Variants in CNTN5 observed in about 807,000 individuals in gnomAD.
CNTN5 encodes contactin 5, also known as contactin-5.
A neutral mutation model predicts 129.1 loss-of-function variants in CNTN5; 77 were observed. The ratio of observed to expected loss-of-function variants is 0.60; its 90% CI spans 0.50 to 0.72. The LOEUF (loss-of-function observed/expected upper bound fraction) is 0.72. CNTN5 is among the 30% of genes least tolerant of loss of function. The probability of loss-of-function intolerance (pLI) is 0.00; values close to 1 mark genes in which losing one functional copy is unlikely to be tolerated. For missense variants in CNTN5, 1,478 were observed against 1,328.8 expected, an observed-to-expected ratio of 1.11 and a Z score of -1.75; for synonymous variants, 509 against 465.6, an observed-to-expected ratio of 1.09 and a Z score of -1.20.
chr11:99,556,519 G>T (rs1293725378), intron 3 of CNTN5, among the ~76,000 whole-genome samples: 1 of 127,962 alleles, frequency 7.8e-6, no homozygotes, highest in Non-Finnish European at 1.6e-5. Context: ...ACATTCATTT[G>T]CAATCTAAAC....
intron 2 of CNTN5, among the ~76,000 whole-genome samples, chr11:99,410,329 G>A (rs569420725): frequency 6.6e-5 from 10 of 152,184 alleles, no homozygotes; most frequent in South Asian, 2.1e-4. Context: ...GAACTGACAC[G>A]GTTAAGGAAA....
chr11:100,036,399 C>A lies in CNTN5; in HGVS notation c.981-24813C>A, dbSNP rs535740324. Among the ~76,000 whole-genome samples the A allele has an allele frequency of 4.6e-5, 7 of 151,726 alleles. No homozygotes were observed. In the South Asian group the frequency reaches 8.3e-4, roughly 18 times the overall value. On this transcript the variant is annotated intron_variant, in intron 9 of 24. Transcript: ENST00000524871. ...TGTAGTATATTTTGAAGTCAGGTAG[C>A]GTGATGCCTCCAGCTTTGTTCTTTT...
At chr11:100,014,545 C>T (rs1233082675) in intron 9 of CNTN5, among the ~76,000 whole-genome samples, 1 of 151,938 alleles carries the variant, frequency 6.6e-6, no homozygotes, top group East Asian at 1.9e-4. Context: ...TGCGCCACTG[C>T]ACTCCAGCCT....
At position 99,583,263 on chromosome 11, in the gene CNTN5, T is replaced by G. The variant is rs2726358; in HGVS notation, c.55+26994T>G. Among the ~76,000 whole-genome samples the G allele has an allele frequency of 3.2e-3, 485 of 152,298 alleles. 1 individual carries two copies. The highest frequency in any genetic ancestry group is 0.011 in the African/African-American group (472 of 41,534). On this transcript the variant is annotated intron_variant, in intron 3 of 24. Coordinates refer to ENST00000524871, the MANE Select transcript of CNTN5 (RefSeq NM_014361.4). ...GGGGGTGCCTCCCAGTTAGGCTACT[T>G]GGGGGTCAGGGACCCACTTGAGGAG...
chr11:99,896,856 C>A (rs1949220694), intron 6 of CNTN5, among the ~76,000 whole-genome samples: 1 of 152,092 alleles, frequency 6.6e-6, no homozygotes, highest in Admixed American at 6.5e-5. Flanking sequence ...TCACAGCTGC[C>A]CTGCCCCAGC....
intron 3 of CNTN5, among the ~76,000 whole-genome samples, chr11:99,726,090 C>T (rs1349454858): frequency 6.6e-6 from 1 of 152,204 alleles, no homozygotes; most frequent in African/African-American, 2.4e-5. Context: ...ATAATTCCCT[C>T]TTGGATATGA....
intron 3 of CNTN5, among the ~76,000 whole-genome samples, chr11:99,585,141 A>G (rs1287502125): frequency 1.3e-5 from 2 of 152,248 alleles, no homozygotes; most frequent in Admixed American, 6.5e-5. Flanking sequence ...GATCTAATCT[A>G]TAAGACAGAT....
chr11:100,039,575 G>T (rs1380635087), intron 9 of CNTN5, among the ~76,000 whole-genome samples: 1 of 152,132 alleles, frequency 6.6e-6, no homozygotes, highest in African/African-American at 2.4e-5. Flanking sequence ...TTCCACCTTG[G>T]TTCCATTCTC....
At chr11:99,999,778 C>G (rs1939735509) in intron 8 of CNTN5, among the ~76,000 whole-genome samples, 1 of 151,966 alleles carries the variant, frequency 6.6e-6, no homozygotes, top group South Asian at 2.1e-4. Context: ...CAATGATAGA[C>G]TGGATTAAGA....
intron 1 of CNTN5, among the ~76,000 whole-genome samples, chr11:99,124,070 T>G (rs1858497353): frequency 6.6e-6 from 1 of 152,246 alleles, no homozygotes; most frequent in Admixed American, 6.5e-5. Context: ...GTGAAGAATG[T>G]CACTGGTAGT....
intron 3 of CNTN5, among the ~76,000 whole-genome samples, chr11:99,698,073 T>TA (rs397725521): frequency 6.7e-6 from 1 of 149,270 alleles, no homozygotes; most frequent in Non-Finnish European, 1.5e-5. Context: ...TTTTTTTTTT[T>TA]AACTTCTGAA....
intron 3 of CNTN5, among the ~76,000 whole-genome samples, chr11:99,622,912 A>G (rs1419403284): frequency 6.6e-6 from 1 of 151,988 alleles, no homozygotes; most frequent in Non-Finnish European, 1.5e-5. Flanking sequence ...TAACCCTCCA[A>G]CATTACTGGG....
chr11:99,135,199 C>T (rs145123213), intron 1 of CNTN5, among the ~76,000 whole-genome samples: 1 of 151,994 alleles, frequency 6.6e-6, no homozygotes, highest in Admixed American at 6.6e-5. Flanking sequence ...AGCAGAAAGA[C>T]AGAATATGAG....
intron 2 of CNTN5, among the ~76,000 whole-genome samples, chr11:99,477,915 T>A (rs574768724): frequency 2.6e-5 from 4 of 151,996 alleles, no homozygotes; most frequent in South Asian, 2.1e-4. Context: ...AGTGAAAAAC[T>A]GAAAAAATCC....
rs1252833198 is a variant in CNTN5, at chr11:100,356,870, G to A, written c.*650G>A. 1 of 151,802 alleles carries A rather than the reference G, an allele frequency of 6.6e-6. No homozygotes were observed. Among genetic ancestry groups the A allele is most frequent in the Non-Finnish European group, 1.5e-5 (1 of 67,850 alleles). 9.4% of individuals were successfully genotyped at this position (151,802 alleles called of 1,614,324 possible). On this transcript the variant is annotated 3_prime_UTR_variant, in exon 25 of 25. Transcript: ENST00000524871. ...GGTAGGGAATAAGCCATTTACATTA[G>A]TGCAAGATAGAAAGCGAGTCCAGAT...
intron 2 of CNTN5, among the ~76,000 whole-genome samples, chr11:99,342,859 A>T (rs936466556): frequency 6.6e-6 from 1 of 152,178 alleles, no homozygotes; most frequent in Non-Finnish European, 1.5e-5. Flanking sequence ...GACAAACTTA[A>T]GGTGTTGTTC....
chr11:99,750,170 A>G (rs1944184075), intron 3 of CNTN5, among the ~76,000 whole-genome samples: 1 of 152,310 alleles, frequency 6.6e-6, no homozygotes, highest in South Asian at 2.1e-4. Context: ...GAGGAATTAA[A>G]TCTCCATATT....
intron 2 of CNTN5, among the ~76,000 whole-genome samples, chr11:99,357,960 C>T (rs1264605500): frequency 3.3e-5 from 5 of 149,732 alleles, no homozygotes; most frequent in Non-Finnish European, 5.9e-5. Flanking sequence ...GCCGAGGTCG[C>T]GCCACTGCAC....
chr11:100,042,830 T>A (rs1482228683), intron 9 of CNTN5, among the ~76,000 whole-genome samples: 1 of 152,204 alleles, frequency 6.6e-6, no homozygotes, highest in Non-Finnish European at 1.5e-5. Flanking sequence ...AATAGCATCA[T>A]CCTCGGTATG....
Sources: allele counts gnomAD v4.1 joint callset (sites outside exome capture counted in the v4.1 genomes callset), GRCh38; gene constraint gnomAD v4.1.1; transcripts MANE v1.5; gene names NCBI Gene and HGNC (gene_info 2026-07-23, HGNC 2026-07-21).